Variants in MARCHF1 observed in about 807,000 individuals in gnomAD.
MARCHF1 encodes E3 ubiquitin-protein ligase MARCHF1.
Under a neutral mutation model 54.2 loss-of-function variants are expected in MARCHF1, and 40 were observed. The observed-to-expected ratio is 0.74, with a 90% CI of 0.57 to 0.96. The LOEUF is 0.96. Ranked by LOEUF, MARCHF1 falls within the 40% of genes least tolerant of loss-of-function variation. MARCHF1 has a pLI of 0.00. For missense variants in MARCHF1, 586 were observed against 656.5 expected (o/e 0.89, Z 1.17); for synonymous variants, 236 against 236.3 (o/e 1.00, Z 0.01).
intron 1 of MARCHF1, among the ~76,000 whole-genome samples, chr4:164,175,868 T>A (rs546549982): frequency 4.5e-4 from 69 of 152,266 alleles, no homozygotes; most frequent in African/African-American, 1.6e-3. Context: ...CCAACACATA[T>A]GCATTATCTT....
chr4:164,098,900 C>T (rs781387251), intron 2 of MARCHF1, among the ~76,000 whole-genome samples: 6 of 152,124 alleles, frequency 3.9e-5, no homozygotes, highest in Non-Finnish European at 7.4e-5. Context: ...AGAAAAGGGC[C>T]ATGTAAGTGG....
chr4:164,006,539 G>A (rs1164098054), intron 2 of MARCHF1, among the ~76,000 whole-genome samples: 1 of 152,046 alleles, frequency 6.6e-6, no homozygotes, highest in Non-Finnish European at 1.5e-5. Flanking sequence ...CTGAAAATGT[G>A]CAAAAAGTAC....
chr4:164,062,609 C>T (rs946274777), intron 2 of MARCHF1, among the ~76,000 whole-genome samples: 1 of 152,222 alleles, frequency 6.6e-6, no homozygotes, highest in South Asian at 2.1e-4. Flanking sequence ...ACTGCAACCT[C>T]CACCTCCTGG....
chr4:164,234,931 AC>A (rs748564869), intron 1 of MARCHF1: 1 of 152,104 alleles, frequency 6.6e-6, no homozygotes, highest in African/African-American at 2.4e-5. Context: ...TGAAAAGAAA[AC>A]AAGTGATTTC....
At position 163,613,700 on chromosome 4, in the gene MARCHF1, TG is replaced by T. The variant is rs1205784257; in HGVS notation, c.163-308del. 18 of 653,910 alleles carry T rather than the reference TG, an allele frequency of 2.8e-5. No individual in the cohort carries two copies. In the East Asian group the frequency reaches 2.4e-3, roughly 85 times the overall value. The allele number at this position is 653,910 out of a possible 1,614,324, so 40.5% of individuals were successfully genotyped here. A position where few individuals can be genotyped will look rare whatever the true frequency, so the allele number is the denominator to read the frequency against. Reference sequence around the variant, plus strand: ...TTGAGTGGAATAGCTCAATTTGCTTTGGAAACAAATGAATAATACTTGAAGA... The same window carrying T: ...TTGAGTGGAATAGCTCAATTTGCTTTGAAACAAATGAATAATACTTGAAGA... On this transcript the variant is annotated intron_variant, in intron 5 of 9. Coordinates refer to ENST00000514618, the MANE Select transcript of MARCHF1 (RefSeq NM_001394959.1).
rs2110929536 is a variant in MARCHF1 at position 163,612,493 on chromosome 4, T to G, written c.788A>C (p.Lys263Thr). Residue 263 changes from lysine to threonine, a missense_variant, in exon 7 of 10, where the codon AAG becomes ACG. Lys to Thr is a moderately conservative substitution (Grantham distance 78). Around this residue, in one of 3 missense-constraint regions of MARCHF1, gnomAD observed 387 missense variants for 394.6 expected, o/e 0.98. Transcript: ENST00000514618. ...EIKRSSRNHE[K>T]SKGRYHHRDP... ...TCTGTGGTGATATCTGCCTTTGCTC[T>G]TCTCATGATTCCTTGAGGATCTCTT... 6 of 1,535,150 alleles carry G rather than the reference T, an allele frequency of 3.9e-6. No homozygotes were observed. Among genetic ancestry groups the G allele is most frequent in the East Asian group, 2.4e-5 (1 of 40,900 alleles).
intron 4 of MARCHF1, among the ~76,000 whole-genome samples, chr4:163,732,106 T>C (rs1392231693): frequency 6.6e-6 from 1 of 151,858 alleles, no homozygotes; most frequent in Non-Finnish European, 1.5e-5. Flanking sequence ...AATCAATCAT[T>C]CAAAACTTAT....
At chr4:163,945,709 A>G (rs568701003) in intron 3 of MARCHF1, among the ~76,000 whole-genome samples, 1 of 152,206 alleles carries the variant, frequency 6.6e-6, no homozygotes, top group Non-Finnish European at 1.5e-5. Flanking sequence ...AGTAATCTTG[A>G]TATTTCAATG....
intron 4 of MARCHF1, among the ~76,000 whole-genome samples, chr4:163,774,273 T>G (rs948990869): frequency 6.6e-6 from 1 of 152,178 alleles, no homozygotes; most frequent in Non-Finnish European, 1.5e-5. Context: ...TTTGCATATG[T>G]TTTAATCAAA....
At position 163,909,368 on chromosome 4, in the gene MARCHF1, T is replaced by C. The variant is rs74938636; in HGVS notation, c.-38-55199A>G. ...TGTATAAACATAAGCATTTCTGTCA[T>C]TGCAAGCCCATAAATTGTGTCCTAC... On this transcript the variant is annotated intron_variant, in intron 3 of 9. Coordinates refer to ENST00000514618, the MANE Select transcript of MARCHF1 (RefSeq NM_001394959.1). Among the ~76,000 whole-genome samples, 1,068 of 152,332 alleles carry C rather than the reference T, an allele frequency of 7.0e-3. 12 individuals carry two copies. The highest frequency in any genetic ancestry group is 0.035 in the East Asian group (180 of 5,178).
In MARCHF1 at chr4:163,527,486, A is replaced by G. The variant is rs949404656; in HGVS notation, c.*1262T>C. 3.4e-5 allele frequency: 5 copies of G among 148,544 alleles called. No homozygotes were observed. The highest frequency in any genetic ancestry group is 6.0e-5 in the Non-Finnish European group (4 of 66,760). 9.2% of individuals were successfully genotyped at this position (148,544 alleles called of 1,614,324 possible). A position where few individuals can be genotyped will look rare whatever the true frequency, so the allele number is the denominator to read the frequency against. ...CTATTGTAAGTACTTCATAGTAACAATTTATTTATTTCACAACTCTGCTAT... is the reference window on the plus strand; with the variant it reads ...CTATTGTAAGTACTTCATAGTAACAGTTTATTTATTTCACAACTCTGCTAT... On this transcript the variant is annotated 3_prime_UTR_variant, in exon 10 of 10. Transcript: ENST00000514618.
At chr4:164,363,895 G>C (rs1272779023) in intron 1 of MARCHF1, among the ~76,000 whole-genome samples, 1 of 151,860 alleles carries the variant, frequency 6.6e-6, no homozygotes, top group African/African-American at 2.4e-5. Flanking sequence ...AATTCAGCAA[G>C]CACAATGATA....
At chr4:163,846,487 G>A (rs769162248) in intron 4 of MARCHF1, among the ~76,000 whole-genome samples, 7 of 152,068 alleles carry the variant, frequency 4.6e-5, no homozygotes, top group Non-Finnish European at 7.4e-5. Context: ...GGAATAACTC[G>A]GAAGAGAGTG....
At chr4:164,295,444 AC>A (rs1734386152) in intron 1 of MARCHF1, among the ~76,000 whole-genome samples, 1 of 79,882 alleles carries the variant, frequency 1.3e-5, no homozygotes, top group Non-Finnish European at 3.5e-5. Context: ...ACACATACAC[AC>A]AAACACACAC....
At chr4:164,348,309 G>T (rs897490947) in intron 1 of MARCHF1, among the ~76,000 whole-genome samples, 1 of 152,108 alleles carries the variant, frequency 6.6e-6, no homozygotes, top group African/African-American at 2.4e-5. Context: ...GAAGAAGAAA[G>T]ATTCATCCTG....
chr4:163,888,632 T>C (rs901800015), intron 3 of MARCHF1, among the ~76,000 whole-genome samples: 1 of 152,178 alleles, frequency 6.6e-6, no homozygotes, highest in African/African-American at 2.4e-5. Flanking sequence ...TGAGGTTTCC[T>C]ATATCTGTTT....
At chr4:164,101,957 C>T (rs994031229) in intron 2 of MARCHF1, among the ~76,000 whole-genome samples, 2 of 144,300 alleles carry the variant, frequency 1.4e-5, no homozygotes, top group South Asian at 2.2e-4. Flanking sequence ...TCGAGAACTA[C>T]GTGAAGAATG....
rs373726368 is a variant in MARCHF1, at chr4:163,743,720, A to C, written c.112-42857T>G. On this transcript the variant is annotated intron_variant, in intron 4 of 9. Coordinates refer to ENST00000514618, the MANE Select transcript of MARCHF1 (RefSeq NM_001394959.1). Reference sequence around the variant, plus strand: ...CAGCCTCCAGAGTAGCTGGGACTACAGGCGCCCGCCACCATGCCTGGCCAA... The same window carrying C: ...CAGCCTCCAGAGTAGCTGGGACTACCGGCGCCCGCCACCATGCCTGGCCAA... Among the ~76,000 whole-genome samples, 784 of 152,174 alleles carry C rather than the reference A, an allele frequency of 5.2e-3. 3 individuals are homozygous for C. Among genetic ancestry groups the C allele is most frequent in the African/African-American group, 9.8e-3 (407 of 41,518 alleles).
intron 4 of MARCHF1, among the ~76,000 whole-genome samples, chr4:163,719,765 AT>A (rs1745384469): frequency 6.6e-6 from 1 of 151,966 alleles, no homozygotes; most frequent in Non-Finnish European, 1.5e-5. Flanking sequence ...TTTGATTTAC[AT>A]TTCTCTGATG....
Sources: gnomAD v4.1 joint callset for allele counts (sites outside exome capture counted in the v4.1 genomes callset) on GRCh38, gnomAD v4.1.1 for gene constraint, gnomAD v4.1.1 regional missense constraint, MANE v1.5 for transcripts, NCBI Gene and HGNC (gene_info 2026-07-23, HGNC 2026-07-21) for gene names.